ZNF267: variants seen among roughly 807,000 people sequenced by gnomAD.
ZNF267 encodes zinc finger protein 267.
Under a neutral mutation model 71.6 loss-of-function variants are expected in ZNF267, and 61 were observed. The ratio of observed to expected loss-of-function variants is 0.85; its 90% CI spans 0.69 to 1.05. ZNF267 has a LOEUF of 1.05. ZNF267 is among the 50% of genes least tolerant of loss of function. The pLI is 0.00. For synonymous variants in ZNF267, 288 were observed against 293.2 expected, an observed-to-expected ratio of 0.98 and a Z score of 0.18; for missense variants, 852 against 870.0, an observed-to-expected ratio of 0.98 and a Z score of 0.26.
At position 31,914,958 on chromosome 16, in the gene ZNF267, A is replaced by G. The variant is rs760942456; in HGVS notation, c.709A>G (p.Asn237Asp). 3.1e-6 allele frequency: 5 copies of G among 1,609,452 alleles called. No homozygotes were observed. The highest frequency in any genetic ancestry group is 2.5e-6 in the Non-Finnish European group (3 of 1,178,778). ...QSSSPKNHQE[N>D]YFLEKQYKCK... ...CTCAAGCCCTAAAAATCATCAGGAAAATTATTTTCTAGAAAAACAATACAA... is the reference window on the plus strand; with the variant it reads ...CTCAAGCCCTAAAAATCATCAGGAAGATTATTTTCTAGAAAAACAATACAA... The change falls in exon 4 of 4, where the codon AAT becomes GAT. Residue 237 changes from asparagine to aspartate, a missense_variant. Coordinates refer to ENST00000300870, the MANE Select transcript of ZNF267 (RefSeq NM_003414.6).
At chr16:31,890,429 T>A (rs1012767793) in intron 3 of ZNF267, among the ~76,000 whole-genome samples, 11 of 152,238 alleles carry the variant, frequency 7.2e-5, no homozygotes, top group African/African-American at 2.4e-4. Flanking sequence ...CAACCACTCC[T>A]GATTTTTGGT....
rs1488707312 is a variant in ZNF267, at chr16:31,914,330, G to C, written c.227-146G>C. ...GTGCCACTTTATTGTAGTAAAGTTT[G>C]TATATCAATTGAGAAAACACGGCCT... On this transcript the variant is annotated intron_variant, in intron 3 of 3. Transcript: ENST00000300870. 7.3e-6 allele frequency: 5 copies of C among 683,392 alleles called. No individual in the cohort carries two copies. The Admixed American group carries it at 1.4e-4, about 19-fold the overall frequency. The allele number at this position is 683,392 out of a possible 1,614,324, so 42.3% of individuals were successfully genotyped here. A position where few individuals can be genotyped will look rare whatever the true frequency, so the allele number is the denominator to read the frequency against.
At chr16:31,885,290 C>A in intron 3 of ZNF267, 34 bp downstream of exon 3, 1 of 1,576,896 alleles carries the variant, frequency 6.3e-7, no homozygotes. Context: ...ATGACATGGG[C>A]GAGAGGTCCA....
intron 3 of ZNF267, among the ~76,000 whole-genome samples, chr16:31,907,378 GT>G (rs1230697710): frequency 6.6e-6 from 1 of 151,796 alleles, no homozygotes; most frequent in Non-Finnish European, 1.5e-5. Flanking sequence ...TTTTAATCCT[GT>G]TTGCCTTCCT....
intron 3 of ZNF267, among the ~76,000 whole-genome samples, chr16:31,896,047 T>G (rs927654452): frequency 1.3e-5 from 2 of 152,198 alleles, no homozygotes; most frequent in African/African-American, 4.8e-5. Context: ...GGTCTCACTC[T>G]GTCACCCAGG....
At chr16:31,894,624 T>C in intron 3 of ZNF267, 2 of 485,618 alleles carry the variant, frequency 4.1e-6, no homozygotes, top group South Asian at 1.6e-5. Flanking sequence ...CTTTCAGCAC[T>C]TCAGCTTCGC....
At chr16:31,874,499 A>G (rs574172128) in intron 1 of ZNF267, among the ~76,000 whole-genome samples, 22 of 152,372 alleles carry the variant, frequency 1.4e-4, no homozygotes, top group Admixed American at 5.9e-4. Flanking sequence ...ATGAGGAAGC[A>G]GACCAAATTA....
Position 31,873,872 on chromosome 16 carries a change from G to T in ZNF267, c.-95G>T, listed in dbSNP as rs1308353526. 5 of 1,567,718 alleles carry T rather than the reference G, an allele frequency of 3.2e-6. 1 individual carries two copies. Among genetic ancestry groups the T allele is most frequent in the Middle Eastern group, 1.7e-4 (1 of 5,980 alleles). On this transcript the variant is annotated 5_prime_UTR_variant, in exon 1 of 4. Transcript: ENST00000300870. ...CGTTCTGGGAGGCCCAGGCGGCTTC[G>T]CGTTCTGAGAATAAACAGAACCTCT...
intron 3 of ZNF267, among the ~76,000 whole-genome samples, chr16:31,904,049 G>C (rs2084065737): frequency 6.6e-6 from 1 of 152,226 alleles, no homozygotes; most frequent in Non-Finnish European, 1.5e-5. Flanking sequence ...TATGTATCCA[G>C]TAGTCATTCA....
intron 3 of ZNF267, chr16:31,890,284 T>C (rs1273676240): frequency 6.6e-6 from 1 of 152,228 alleles, no homozygotes; most frequent in Non-Finnish European, 1.5e-5. Flanking sequence ...ATTTGGGTGC[T>C]CCAGTGTTGG....
At chr16:31,903,585 A>G (rs934054268) in intron 3 of ZNF267, among the ~76,000 whole-genome samples, 1 of 152,126 alleles carries the variant, frequency 6.6e-6, no homozygotes, top group Non-Finnish European at 1.5e-5. Context: ...AGAGGTGTTT[A>G]TAGTATTCTC....
At chr16:31,907,786 C>A (rs1300110036) in intron 3 of ZNF267, among the ~76,000 whole-genome samples, 1 of 151,894 alleles carries the variant, frequency 6.6e-6, no homozygotes, top group Non-Finnish European at 1.5e-5. Context: ...CCTATAATCC[C>A]AGCAATTTGG....
chr16:31,883,988 A>G (rs940229754), intron 1 of ZNF267, among the ~76,000 whole-genome samples: 11 of 152,208 alleles, frequency 7.2e-5, no homozygotes, highest in Non-Finnish European at 1.6e-4. Context: ...GCAGTGAGCC[A>G]AGATTCAACC....
At chr16:31,895,339 G>A (rs894727732) in intron 3 of ZNF267, among the ~76,000 whole-genome samples, 5 of 152,148 alleles carry the variant, frequency 3.3e-5, no homozygotes, top group African/African-American at 4.8e-5. Context: ...TAGTATGTAC[G>A]TACAGCACAT....
intron 1 of ZNF267, among the ~76,000 whole-genome samples, chr16:31,883,673 A>G (rs1277998355): frequency 6.6e-6 from 1 of 152,250 alleles, no homozygotes; most frequent in Non-Finnish European, 1.5e-5. Flanking sequence ...TGGGTTTTAT[A>G]TATGTAAACA....
At chr16:31,892,574 G>A (rs551654575) in intron 3 of ZNF267, among the ~76,000 whole-genome samples, 1 of 152,330 alleles carries the variant, frequency 6.6e-6, no homozygotes, top group South Asian at 2.1e-4. Context: ...CTGCCTGTGA[G>A]CCTGTAAAAT....
chr16:31,880,545 T>C (rs974243143), intron 1 of ZNF267, among the ~76,000 whole-genome samples: 2 of 152,192 alleles, frequency 1.3e-5, no homozygotes, highest in African/African-American at 4.8e-5. Flanking sequence ...CTTGAGTCTT[T>C]CCTGCCTGAA....
rs553547672 is a variant in ZNF267, at chr16:31,914,597, G to C, written c.348G>C (p.Arg116Ser). ...CDLENLHLRK[R>S]WKREECEGHN... ...TTGAGAATTTACATTTAAGAAAAAGGTGGAAAAGGGAGGAGTGTGAAGGGC... is the reference window on the plus strand; with the variant it reads ...TTGAGAATTTACATTTAAGAAAAAGCTGGAAAAGGGAGGAGTGTGAAGGGC... Residue 116 changes from arginine to serine, a missense_variant, in exon 4 of 4, where the codon AGG becomes AGC. Arg to Ser is a moderately radical substitution (Grantham distance 110). Transcript: ENST00000300870. The C allele has an allele frequency of 5.6e-6, 9 of 1,614,106 alleles. No individual in the cohort carries two copies. Among genetic ancestry groups the C allele is most frequent in the Non-Finnish European group, 7.6e-6 (9 of 1,180,020 alleles).
chr16:31,879,317 G>T (rs969623214), intron 1 of ZNF267, among the ~76,000 whole-genome samples: 2 of 152,208 alleles, frequency 1.3e-5, no homozygotes, highest in Non-Finnish European at 2.9e-5. Context: ...GTCTTCTATT[G>T]AGGACTAATT....
Sources: allele counts gnomAD v4.1 joint callset (sites outside exome capture counted in the v4.1 genomes callset), GRCh38; gene constraint gnomAD v4.1.1; transcripts MANE v1.5; gene names NCBI Gene and HGNC (gene_info 2026-07-23, HGNC 2026-07-21).